Variants in DNM3 observed in about 807,000 individuals in gnomAD.
DNM3 encodes the protein dynamin-3.
In DNM3, 47 loss-of-function variants were observed where a neutral mutation model predicts 101.6. The observed-to-expected ratio is 0.46, with a 90% CI of 0.37 to 0.59. The LOEUF (loss-of-function observed/expected upper bound fraction) is 0.59. DNM3 is among the 20% of genes least tolerant of loss of function. The pLI, the probability that DNM3 is intolerant of heterozygous loss-of-function variation, is 0.00. For missense variants in DNM3, 849 were observed against 1,085.7 expected (o/e 0.78, Z 3.06); for synonymous variants, 385 against 387.9 (o/e 0.99, Z 0.09).
chr1:172,313,946 AG>A (rs967114803), intron 16 of DNM3, among the ~76,000 whole-genome samples: 1 of 120,400 alleles, frequency 8.3e-6, no homozygotes, highest in African/African-American at 3.3e-5. Flanking sequence ...TCCCTCCCCT[AG>A]CCCCCTACCC....
chr1:172,028,136 C>CA (rs758723617), intron 4 of DNM3, among the ~76,000 whole-genome samples: 1 of 152,210 alleles, frequency 6.6e-6, no homozygotes, highest in Non-Finnish European at 1.5e-5. Context: ...CACCACATCA[C>CA]ACTTACTCCA....
At chr1:172,372,674 A>ATT (rs71107346) in intron 17 of DNM3, among the ~76,000 whole-genome samples, 921 of 79,024 alleles carry the variant, frequency 0.012, 31 homozygotes, top group Non-Finnish European at 0.017. Flanking sequence ...CTTGTAATTA[A>ATT]TTTTTTTTTT....
chr1:172,349,080 A>G (rs916349074), intron 17 of DNM3, among the ~76,000 whole-genome samples: 1 of 152,160 alleles, frequency 6.6e-6, no homozygotes, highest in Non-Finnish European at 1.5e-5. Flanking sequence ...CCTCAGAGAC[A>G]TGTCCAGGAA....
chr1:172,378,698 G>T (rs2068738794), intron 17 of DNM3, among the ~76,000 whole-genome samples: 1 of 152,024 alleles, frequency 6.6e-6, no homozygotes, highest in Non-Finnish European at 1.5e-5. Flanking sequence ...TGGCCAGCTT[G>T]CAAATGGCTT....
intron 17 of DNM3, among the ~76,000 whole-genome samples, chr1:172,332,074 A>G (rs2066213286): frequency 6.6e-6 from 1 of 152,190 alleles, no homozygotes; most frequent in African/African-American, 2.4e-5. Flanking sequence ...CAATGGGTAC[A>G]TGTTAGTGCC....
At chr1:171,975,839 T>C (rs1429545377) in intron 2 of DNM3, among the ~76,000 whole-genome samples, 3 of 152,200 alleles carry the variant, frequency 2.0e-5, no homozygotes, top group African/African-American at 7.2e-5. Context: ...TTATACAGGT[T>C]CCACGGTTTG....
chr1:172,227,997 T>A (rs2061197762), intron 14 of DNM3, among the ~76,000 whole-genome samples: 1 of 152,188 alleles, frequency 6.6e-6, no homozygotes. Flanking sequence ...AATACTCTCC[T>A]TGACACTTTT....
chr1:172,240,342 G>A (rs1034356993), intron 14 of DNM3, among the ~76,000 whole-genome samples: 1 of 152,138 alleles, frequency 6.6e-6, no homozygotes, highest in African/African-American at 2.4e-5. Flanking sequence ...TTTTGAGAGA[G>A]AGGGGAACAT....
rs150864999 is a variant in DNM3, at chr1:172,000,195, G to A, written c.589+11047G>A. 7.2e-5 allele frequency among the ~76,000 whole-genome samples: 11 copies of A among 152,166 alleles called. No homozygotes were observed. The South Asian group carries it at 1.7e-3, about 23-fold the overall frequency. ...GAATAGGAGGGAAAATAGCAGAGGT[G>A]ATGAAGAAGCGGTAGAGAATCAAGT... On this transcript the variant is annotated intron_variant, in intron 4 of 20. Transcript: ENST00000627582.
chr1:171,904,334 C>T (rs1255542883), intron 1 of DNM3, among the ~76,000 whole-genome samples: 1 of 152,042 alleles, frequency 6.6e-6, no homozygotes, highest in Non-Finnish European at 1.5e-5. Context: ...ATTACCATAA[C>T]TTGATGGGAA....
intron 1 of DNM3, among the ~76,000 whole-genome samples, chr1:171,903,894 A>T (rs1437734117): frequency 6.6e-6 from 1 of 152,238 alleles, no homozygotes; most frequent in African/African-American, 2.4e-5. Context: ...ACAGAGCTAG[A>T]ATTCATTCTC....
chr1:172,305,687 G>C (rs957544448), intron 15 of DNM3, among the ~76,000 whole-genome samples: 1 of 152,130 alleles, frequency 6.6e-6, no homozygotes, highest in African/African-American at 2.4e-5. Context: ...TATTCACCAC[G>C]ATCAAGTTGG....
intron 1 of DNM3, among the ~76,000 whole-genome samples, chr1:171,904,671 C>A (rs756685696): frequency 6.6e-6 from 1 of 151,802 alleles, no homozygotes; most frequent in Non-Finnish European, 1.5e-5. Context: ...GTTTTTTTTG[C>A]GGGTAGTTGA....
intron 14 of DNM3, among the ~76,000 whole-genome samples, chr1:172,163,886 T>C (rs1479437395): frequency 1.1e-5 from 1 of 94,112 alleles, no homozygotes. Flanking sequence ...TGTATGTGTA[T>C]ATATGTATAT....
chr1:172,039,174 C>CA (rs1254624929), intron 7 of DNM3, among the ~76,000 whole-genome samples: 14 of 152,108 alleles, frequency 9.2e-5, no homozygotes, highest in Admixed American at 3.9e-4. Flanking sequence ...GTTCCTTTAT[C>CA]CTGTGCTGCC....
chr1:171,953,503 G>A (rs1310820864), intron 2 of DNM3, among the ~76,000 whole-genome samples: 1 of 149,734 alleles, frequency 6.7e-6, no homozygotes, highest in Non-Finnish European at 1.5e-5. Context: ...TCTCAGCCCA[G>A]TGCAACTTCT....
intron 2 of DNM3, among the ~76,000 whole-genome samples, chr1:171,965,988 C>T (rs1439589746): frequency 6.6e-6 from 1 of 152,162 alleles, no homozygotes; most frequent in Admixed American, 6.6e-5. Flanking sequence ...CTGTCATCCC[C>T]ATGACTCAGG....
intron 14 of DNM3, among the ~76,000 whole-genome samples, chr1:172,168,618 T>A: frequency 6.6e-6 from 1 of 151,930 alleles, no homozygotes; most frequent in African/African-American, 2.4e-5. Flanking sequence ...GAGACATGAC[T>A]TAGTTGAAAG....
chr1:171,902,269 A>T (rs2038427720), intron 1 of DNM3, among the ~76,000 whole-genome samples: 1 of 152,262 alleles, frequency 6.6e-6, no homozygotes, highest in South Asian at 2.1e-4. Flanking sequence ...AAGGTCCATT[A>T]AATTTCTTTA....
Sources: gnomAD v4.1 joint callset for allele counts (sites outside exome capture counted in the v4.1 genomes callset) on GRCh38, gnomAD v4.1.1 for gene constraint, MANE v1.5 for transcripts, NCBI Gene and HGNC (gene_info 2026-07-23, HGNC 2026-07-21) for gene names.